Variants in SH3KBP1 observed in about 807,000 individuals in gnomAD.
The protein encoded by SH3KBP1 is SH3 domain-containing kinase-binding protein 1.
Under a neutral mutation model 50.1 loss-of-function variants are expected in SH3KBP1, and 8 were observed. That is an observed-to-expected ratio of 0.16 (90% CI 0.09 to 0.29). The LOEUF is 0.29. SH3KBP1 is among the 10% of genes least tolerant of loss of function. SH3KBP1 has a pLI of 1.00. For missense variants in SH3KBP1, 377 were observed against 535.2 expected (o/e 0.70, Z 2.92); for synonymous variants, 227 against 218.6 (o/e 1.04, Z -0.34).
intron 2 of SH3KBP1, among the ~76,000 whole-genome samples, chrX:19,767,714 G>A (rs1468175260): frequency 9.0e-6 from 1 of 111,217 alleles, no homozygotes; most frequent in Non-Finnish European, 1.9e-5. Flanking sequence ...AACGTGCACA[G>A]TAAATGGCAG....
At chrX:19,855,576 G>C (rs761635069) in intron 1 of SH3KBP1, among the ~76,000 whole-genome samples, 87 of 111,874 alleles carry the variant, frequency 7.8e-4, no homozygotes, top group Non-Finnish European at 6.6e-4. Flanking sequence ...CTCCTTAAGA[G>C]AAAGGACCAG....
intron 2 of SH3KBP1, among the ~76,000 whole-genome samples, chrX:19,756,003 C>G (rs1259164195): frequency 9.0e-6 from 1 of 111,018 alleles, no homozygotes; most frequent in Non-Finnish European, 1.9e-5. Flanking sequence ...GAGCTCGGCT[C>G]TTGAGACAGG....
intron 7 of SH3KBP1, among the ~76,000 whole-genome samples, chrX:19,633,962 T>C (rs2061635675): frequency 9.1e-6 from 1 of 109,850 alleles, no homozygotes; most frequent in African/African-American, 3.3e-5. Flanking sequence ...GCAGGTGCTC[T>C]ATTTGCAGCC....
intron 8 of SH3KBP1, among the ~76,000 whole-genome samples, chrX:19,611,381 T>A (rs1378612746): frequency 9.0e-6 from 1 of 111,114 alleles, no homozygotes; most frequent in East Asian, 2.9e-4. Flanking sequence ...TGAGACGCAG[T>A]CTCACTCTGT....
chrX:19,617,542 T>G (rs1602678023), intron 8 of SH3KBP1, among the ~76,000 whole-genome samples: 1 of 112,550 alleles, frequency 8.9e-6, no homozygotes, highest in Non-Finnish European at 1.9e-5. Flanking sequence ...TTAATTATCC[T>G]GGAGTTTCCT....
chrX:19,601,300 C>T (rs761071863), intron 9 of SH3KBP1, among the ~76,000 whole-genome samples: 2 of 111,672 alleles, frequency 1.8e-5, no homozygotes, highest in South Asian at 7.5e-4. Context: ...GCTTTGTTTC[C>T]TGTGAAGGAT....
chrX:19,790,681 G>A (rs2066503859), intron 2 of SH3KBP1, among the ~76,000 whole-genome samples: 1 of 110,960 alleles, frequency 9.0e-6, no homozygotes, highest in Admixed American at 9.6e-5. Flanking sequence ...GATGGGGAAT[G>A]AAGAAACATC....
At chrX:19,568,245 A>AGT (rs2065908513) in intron 13 of SH3KBP1, among the ~76,000 whole-genome samples, 1 of 112,003 alleles carries the variant, frequency 8.9e-6, no homozygotes, top group Non-Finnish European at 1.9e-5. Flanking sequence ...ATTTTAAAAT[A>AGT]GTGTAATTGG....
At chrX:19,761,326 G>T (rs954860633) in intron 2 of SH3KBP1, among the ~76,000 whole-genome samples, 3 of 81,795 alleles carry the variant, frequency 3.7e-5, no homozygotes, top group Non-Finnish European at 7.1e-5. Context: ...AGGAAGGAAG[G>T]ACAGAGAGAG....
chrX:19,812,953 T>C lies in SH3KBP1; in HGVS notation c.162+23172A>G, dbSNP rs951129447. 7.8e-5 allele frequency among the ~76,000 whole-genome samples: 8 copies of C among 102,618 alleles called. No individual in the cohort carries two copies. The East Asian group carries it at 1.8e-3, about 24-fold the overall frequency. The allele number at this position is 102,618 out of a possible 115,157, so 89.1% of individuals were successfully genotyped here. A position where few individuals can be genotyped will look rare whatever the true frequency, so the allele number is the denominator to read the frequency against. On this transcript the variant is annotated intron_variant, in intron 2 of 17. Transcript: ENST00000397821. ...TCGCACCACTGCACTCCAGCCTGGG[T>C]GAAAGAGAGAGACTCTGTCTCAAAA...
chrX:19,877,728 G>A (rs2069296714), intron 1 of SH3KBP1, among the ~76,000 whole-genome samples: 1 of 112,311 alleles, frequency 8.9e-6, no homozygotes, highest in Non-Finnish European at 1.9e-5. Flanking sequence ...GTCTATACAT[G>A]CTGTACTTGG....
At chrX:19,815,311 T>A (rs902207037) in intron 2 of SH3KBP1, among the ~76,000 whole-genome samples, 6 of 111,132 alleles carry the variant, frequency 5.4e-5, no homozygotes, top group Non-Finnish European at 1.1e-4. Context: ...AGATTTTTTT[T>A]AATTTTTATT....
chrX:19,572,402 A>G (rs999364357), intron 12 of SH3KBP1, among the ~76,000 whole-genome samples: 3 of 88,616 alleles, frequency 3.4e-5, no homozygotes, highest in African/African-American at 1.6e-4. Context: ...CATATGTTAT[A>G]TATAGTACAT....
chrX:19,547,540 C>CA (rs2147615503), intron 14 of SH3KBP1, among the ~76,000 whole-genome samples: 1 of 112,028 alleles, frequency 8.9e-6, no homozygotes, highest in African/African-American at 3.2e-5. Context: ...TCTGAAAATC[C>CA]AATTACCTAG....
At chrX:19,588,287 C>A in intron 12 of SH3KBP1, 1 of 1,024,120 alleles carries the variant, frequency 9.8e-7, no homozygotes, top group Non-Finnish European at 1.3e-6. Flanking sequence ...GCACAACATC[C>A]AGGGGGACAA....
At chrX:19,546,099 A>G (rs1283507637) in intron 14 of SH3KBP1, 49 bp from the exon 15 acceptor site, 1 of 1,185,695 alleles carries the variant, frequency 8.4e-7, no homozygotes, top group Admixed American at 2.2e-5. Flanking sequence ...ACCTTAGCTG[A>G]CACCACTTTC....
chrX:19,637,609 T>C (rs2061738898), intron 7 of SH3KBP1, among the ~76,000 whole-genome samples: 1 of 110,815 alleles, frequency 9.0e-6, no homozygotes, highest in Non-Finnish European at 1.9e-5. Flanking sequence ...AGGAGTAGGA[T>C]TGGGGTATGT....
chrX:19,551,550 C>CTTTTTTTTTTTTTTTT (rs397800260), intron 13 of SH3KBP1, among the ~76,000 whole-genome samples: 3 of 95,171 alleles, frequency 3.2e-5, no homozygotes, highest in African/African-American at 8.6e-5. Context: ...CTCCCTCCCT[C>CTTTTTTTTTTTTTTTT]TTTTTTTTTT....
At position 19,612,595 on chromosome X, in the gene SH3KBP1, C is replaced by T. The variant is rs781613116; in HGVS notation, c.898-4550G>A. Among the ~76,000 whole-genome samples, 9 of 111,675 alleles carry T rather than the reference C, an allele frequency of 8.1e-5. No individual in the cohort carries two copies. In the South Asian group the frequency reaches 1.5e-3, roughly 19 times the overall value. On this transcript the variant is annotated intron_variant, in intron 8 of 17. Transcript: ENST00000397821. ...TTTATTTACTGAGAACCTAAAATGG[C>T]TCTCAAACCTGGCTGCACACTTAGA...
Sources: allele counts gnomAD v4.1 joint callset (sites outside exome capture counted in the v4.1 genomes callset), GRCh38; gene constraint gnomAD v4.1.1; transcripts MANE v1.5; gene names NCBI Gene and HGNC (gene_info 2026-07-23, HGNC 2026-07-21).